CHRDL2: variants seen among roughly 807,000 people sequenced by gnomAD.
CHRDL2 encodes the protein chordin like 2.
CHRDL2 carries 41 observed loss-of-function variants against 54.3 expected under a neutral mutation model. That is an observed-to-expected ratio of 0.76 (90% confidence interval 0.59 to 0.98). CHRDL2 has a LOEUF of 0.98. CHRDL2 is among the 50% of genes least tolerant of loss of function. The pLI is 0.00. For synonymous variants in CHRDL2, 220 were observed against 224.3 expected (o/e 0.98, Z 0.17); for missense variants, 518 against 562.4 (o/e 0.92, Z 0.80).
chr11:74,700,263 C>T (rs1243224595), intron 9 of CHRDL2, among the ~76,000 whole-genome samples: 1 of 152,266 alleles, frequency 6.6e-6, no homozygotes, highest in Non-Finnish European at 1.5e-5. Context: ...ACACACCAAT[C>T]ACAGAGCACA....
Position 74,696,576 on chromosome 11 carries a change from T to C in CHRDL2, c.1223A>G (p.Asn408Ser). Reference sequence around the variant, plus strand: ...CTCCAGGGTCTGGGCTAGGAAGACGTTCCAGTGACCTGCATGGAGGAGGGC... The same window carrying C: ...CTCCAGGGTCTGGGCTAGGAAGACGCTCCAGTGACCTGCATGGAGGAGGGC... ...LLAGPHEGHW[N>S]VFLAQTLELK... Residue 408 changes from asparagine to serine, a missense_variant, in exon 11 of 11, where the codon AAC becomes AGC. Physicochemically the swap from Asn to Ser is conservative, Grantham distance 46 (BLOSUM62 1). Coordinates refer to ENST00000376332, the MANE Select transcript of CHRDL2 (RefSeq NM_001278473.3). The C allele has an allele frequency of 1.9e-6, 3 of 1,613,724 alleles. No homozygotes were observed. Among genetic ancestry groups the C allele is most frequent in the Non-Finnish European group, 2.5e-6 (3 of 1,179,856 alleles).
chr11:74,702,825 C>G lies in CHRDL2; in HGVS notation c.1089G>C (p.Leu363Phe), dbSNP rs1246289968. The change falls in exon 9 of 11, where the codon TTG becomes TTC. Residue 363 changes from leucine to phenylalanine, a missense_variant. Physicochemically the swap from Leu to Phe is conservative, Grantham distance 22 (BLOSUM62 0). Transcript: ENST00000376332. ...CCAGCTTCCAGAGGTAGATCTCCACCAAGTCCGAGGCCTCGTGTTCCAGGG... is the reference window on the plus strand; with the variant it reads ...CCAGCTTCCAGAGGTAGATCTCCACGAAGTCCGAGGCCTCGTGTTCCAGGG... ...RFALEHEASD[L>F]VEIYLWKLVK... The G allele has an allele frequency of 1.2e-6, 2 of 1,613,956 alleles. No homozygotes were observed. Among genetic ancestry groups the G allele is most frequent in the Non-Finnish European group, 1.7e-6 (2 of 1,180,022 alleles).
At chr11:74,722,148 G>A (rs55837439) in intron 1 of CHRDL2, among the ~76,000 whole-genome samples, 69,130 of 151,824 alleles carry the variant, frequency 0.46, 17,484 homozygotes, top group Admixed American at 0.6. Flanking sequence ...GAAGGAGGTA[G>A]AGTTTGTCTC....
intron 1 of CHRDL2, 88 bp downstream of exon 1, chr11:74,730,719 A>C: frequency 3.5e-5 from 44 of 1,268,316 alleles, no homozygotes; most frequent in African/African-American, 4.4e-5. Context: ...GGCTGTCAGA[A>C]GAGCTTGGGG....
intron 5 of CHRDL2, 138 bp from the exon 6 acceptor site, chr11:74,706,680 C>T: frequency 2.7e-6 from 2 of 744,634 alleles, no homozygotes; most frequent in East Asian, 5.2e-5. Context: ...CTAGCCAGCT[C>T]CTTTGCCCCA....
At position 74,703,450 on chromosome 11, in the gene CHRDL2, C is replaced by G; in HGVS notation, c.801G>C (p.Pro267=). Residue 267 remains proline (P), a synonymous_variant, in exon 8 of 11, where the codon CCG becomes CCC. Coordinates refer to ENST00000376332, the MANE Select transcript of CHRDL2 (RefSeq NM_001278473.3). ...KTYSHGEVWH[P]AFRAFGPLPC... is the part of the protein sequence containing the mutation. ...GCAAGGGGCCGAAGGCACGGAAGGCCGGGTGCCACACCTCCCCGTGGGAGT... is the reference window on the plus strand; with the variant it reads ...GCAAGGGGCCGAAGGCACGGAAGGCGGGGTGCCACACCTCCCCGTGGGAGT... 1 of 1,612,284 alleles carries G rather than the reference C, an allele frequency of 6.2e-7. No homozygotes were observed. Among genetic ancestry groups the G allele is most frequent in the Non-Finnish European group, 8.5e-7 (1 of 1,179,126 alleles).
chr11:74,697,969 C>T (rs1287899079), intron 9 of CHRDL2, among the ~76,000 whole-genome samples: 1 of 152,164 alleles, frequency 6.6e-6, no homozygotes, highest in African/African-American at 2.4e-5. Flanking sequence ...TAGCCCTAAC[C>T]AAGTACTTGA....
intron 5 of CHRDL2, 46 bp from the exon 6 acceptor site, chr11:74,706,588 T>G: frequency 6.2e-7 from 1 of 1,602,712 alleles, no homozygotes; most frequent in Non-Finnish European, 8.5e-7. Flanking sequence ...CTCCCCAGCC[T>G]TGCTGGCTAG....
Position 74,702,880 on chromosome 11 carries a change from G to A in CHRDL2, c.1034C>T (p.Ser345Phe). 1 of 1,614,212 alleles carries A rather than the reference G, an allele frequency of 6.2e-7. No individual in the cohort carries two copies. ...GCGACGCAGGTTGTCTGGGCTTGGGGATACCGATGTGTGGACGAGGACCCG... is the reference window on the plus strand; with the variant it reads ...GCGACGCAGGTTGTCTGGGCTTGGGAATACCGATGTGTGGACGAGGACCCG... Reference protein sequence around the residue: ...PGRVLVHTSVSPSPDNLRRFA... With the variant: ...PGRVLVHTSVFPSPDNLRRFA... The change falls in exon 9 of 11, where the codon TCC becomes TTC. Residue 345 changes from serine (S) to phenylalanine (F), a missense_variant. Ser to Phe is a radical substitution (Grantham distance 155, BLOSUM62 -2). Coordinates refer to ENST00000376332, the MANE Select transcript of CHRDL2 (RefSeq NM_001278473.3).
Position 74,713,413 on chromosome 11 carries a change from G to T in CHRDL2, c.262C>A (p.Pro88Thr), listed in dbSNP as rs755515308. The change falls in exon 3 of 11, where the codon CCA becomes ACA. Residue 88 changes from proline to threonine, a missense_variant. Pro to Thr is a conservative substitution (Grantham distance 38). Coordinates refer to ENST00000376332, the MANE Select transcript of CHRDL2 (RefSeq NM_001278473.3). ...ACACACTTGGGACAGCATTGCTGTG[G>T]CTCCGTCACAGGCTGGGGGCAGTGG... ...PVHCPQPVTE[P>T]QQCCPKCVEP... is the part of the protein sequence containing the mutation. 1.2e-6 allele frequency: 2 copies of T among 1,614,144 alleles called. No homozygotes were observed. Among genetic ancestry groups the T allele is most frequent in the Non-Finnish European group, 1.7e-6 (2 of 1,179,998 alleles).
At chr11:74,700,661 C>T (rs1177064233) in intron 9 of CHRDL2, among the ~76,000 whole-genome samples, 10 of 133,428 alleles carry the variant, frequency 7.5e-5, no homozygotes, top group South Asian at 2.3e-4. Context: ...TTTTTTGAGA[C>T]GGAGTCTCAC....
At position 74,716,291 on chromosome 11, in the gene CHRDL2, C is replaced by T. The variant is rs2034349134; in HGVS notation, c.195+2429G>A. On this transcript the variant is annotated intron_variant, in intron 2 of 10. Transcript: ENST00000376332. The stretch of plus-strand genomic sequence containing the variant: ...GTGGCTCATGCCTGTAATCCCAGCA[C>T]TTTGGGAGGCCAAAGAGGGCAGATC... 6.6e-5 allele frequency among the ~76,000 whole-genome samples: 10 copies of T among 152,090 alleles called. No homozygotes were observed. The South Asian group carries it at 2.1e-3, about 32-fold the overall frequency.
intron 1 of CHRDL2, among the ~76,000 whole-genome samples, chr11:74,720,767 C>G (rs2034484133): frequency 6.6e-6 from 1 of 152,188 alleles, no homozygotes; most frequent in South Asian, 2.1e-4. Context: ...CCTCTCAGCA[C>G]TGGGGGCTGG....
At chr11:74,716,540 CAAAAAAAA>C (rs751918696) in intron 2 of CHRDL2, among the ~76,000 whole-genome samples, 2 of 57,648 alleles carry the variant, frequency 3.5e-5, no homozygotes, top group African/African-American at 1.4e-4. Flanking sequence ...ACTCCATCTC[CAAAAAAAA>C]AAAAAAAAAA....
chr11:74,708,374 G>C lies in CHRDL2; in HGVS notation c.454C>G (p.Leu152Val). ...SCTEGQIYCG[L>V]TTCPEPGCPA... ...CAGCCTGGTTCGGGGCAGGTTGTGA[G>C]GCCGCAGTAGATCTGGCCCTCCTGA... Residue 152 changes from leucine to valine, a missense_variant, in exon 5 of 11, where the codon CTC becomes GTC. Transcript: ENST00000376332. 1 of 1,587,206 alleles carries C rather than the reference G, an allele frequency of 6.3e-7. No homozygotes were observed. The highest frequency in any genetic ancestry group is 8.6e-7 in the Non-Finnish European group (1 of 1,169,246).
intron 4 of CHRDL2, among the ~76,000 whole-genome samples, chr11:74,708,971 G>A (rs1190009850): frequency 6.6e-6 from 1 of 152,150 alleles, no homozygotes; most frequent in Admixed American, 6.5e-5. Context: ...TGTGAAGTGG[G>A]GTCACACCCA....
chr11:74,701,480 A>G lies in CHRDL2; in HGVS notation c.1120+1314T>C, dbSNP rs1051962086. On this transcript the variant is annotated intron_variant, in intron 9 of 10. Coordinates refer to ENST00000376332, the MANE Select transcript of CHRDL2 (RefSeq NM_001278473.3). ...CTGAGTCTTCTCTTCTCCAGGCTGA[A>G]CAGCTCCACTTTCTTCGTCCATTCC... is the stretch of plus-strand genomic sequence containing the variant. 4 of 633,708 alleles carry G rather than the reference A, an allele frequency of 6.3e-6. No individual in the cohort carries two copies. In the African/African-American group the frequency reaches 7.2e-5, roughly 11 times the overall value. The allele number at this position is 633,708 out of a possible 1,614,324, so 39.3% of individuals were successfully genotyped here. A position where few individuals can be genotyped will look rare whatever the true frequency, so the allele number is the denominator to read the frequency against.
Position 74,697,268 on chromosome 11 carries a change from C to T in CHRDL2, c.1150G>A (p.Val384Ile). 6.2e-7 allele frequency: 1 copy of T among 1,614,006 alleles called. No homozygotes were observed. The highest frequency in any genetic ancestry group is 8.5e-7 in the Non-Finnish European group (1 of 1,179,992). The change falls in exon 10 of 11, where the codon GTC becomes ATC. Residue 384 changes from valine to isoleucine, a missense_variant. Coordinates refer to ENST00000376332, the MANE Select transcript of CHRDL2 (RefSeq NM_001278473.3). The part of the protein sequence containing the change: ...GIFHLTQIKK[V>I]RKQDFQKEAQ... ...TCTTTCTGGAAGTCTTGCTTCCTGA[C>T]TTTCTTGATCTGAGTCAAGTGGAAG...
Position 74,696,592 on chromosome 11 carries a change from G to A in CHRDL2, c.1214-7C>T. The A allele has an allele frequency of 6.2e-7, 1 of 1,610,150 alleles. No homozygotes were observed. Among genetic ancestry groups the A allele is most frequent in the East Asian group, 2.2e-5 (1 of 44,866 alleles). On this transcript the variant is annotated splice_polypyrimidine_tract_variant and splice_region_variant and intron_variant, in intron 10 of 10. Coordinates refer to ENST00000376332, the MANE Select transcript of CHRDL2 (RefSeq NM_001278473.3). Reference sequence around the variant, plus strand: ...AGGAAGACGTTCCAGTGACCTGCATGGAGGAGGGCAGAAGAGGGAAGAGGC... The same window carrying A: ...AGGAAGACGTTCCAGTGACCTGCATAGAGGAGGGCAGAAGAGGGAAGAGGC...
Sources: gnomAD v4.1 joint callset for allele counts (sites outside exome capture counted in the v4.1 genomes callset) on GRCh38, gnomAD v4.1.1 for gene constraint, MANE v1.5 for transcripts, NCBI Gene and HGNC (gene_info 2026-07-23, HGNC 2026-07-21) for gene names.